NFKBID: variants seen among roughly 807,000 people sequenced by gnomAD.
The protein encoded by NFKBID is NF-kappa-B inhibitor delta.
In NFKBID, 26 loss-of-function variants were observed where a neutral mutation model predicts 53.4. The observed-to-expected ratio is 0.49, with a 90% CI of 0.36 to 0.68. The LOEUF (loss-of-function observed/expected upper bound fraction) is 0.68, where lower values mean the gene tolerates loss of function less well. NFKBID is among the 30% of genes least tolerant of loss of function. NFKBID has a pLI of 0.00. For missense variants in NFKBID, 493 were observed against 614.1 expected, an observed-to-expected ratio of 0.80 and a Z score of 2.08; for synonymous variants, 262 against 259.8, an observed-to-expected ratio of 1.01 and a Z score of -0.08.
At chr19:35,891,256 A>T (rs945346921) in intron 9 of NFKBID, among the ~76,000 whole-genome samples, 4 of 152,252 alleles carry the variant, frequency 2.6e-5, no homozygotes, top group Non-Finnish European at 5.9e-5. Flanking sequence ...GACATTTTCT[A>T]AAATGAAACC....
At chr19:35,898,856 G>C in intron 1 of NFKBID, 34 bp from the exon 2 acceptor site, 6 of 1,498,544 alleles carry the variant, frequency 4.0e-6, no homozygotes, top group Non-Finnish European at 5.4e-6. Flanking sequence ...AGTCATCAAG[G>C]GTCCTTAAGT....
chr19:35,888,264 G>A (rs1414886789), exon 12 of NFKBID: 5 of 372,990 alleles, frequency 1.3e-5, no homozygotes, highest in Middle Eastern at 8.1e-4. Context: ...GAGAGAACCC[G>A]AAAGATCTCA....
chr19:35,900,617 A>T (rs1056689507), exon 1 of NFKBID: 4 of 1,229,332 alleles, frequency 3.3e-6, no homozygotes, highest in Non-Finnish European at 3.0e-6. Flanking sequence ...GCCCGCCCAC[A>T]GGCCTGGGAG....
intron 10 of NFKBID, 131 bp from the exon 11 acceptor site, chr19:35,890,185 G>T: frequency 1.0e-6 from 1 of 991,414 alleles, no homozygotes; most frequent in Non-Finnish European, 1.5e-6. Context: ...CCCGGCCACA[G>T]CCACGCTGCA....
In NFKBID at chr19:35,896,524, C is replaced by T. The variant is rs1303900136; in HGVS notation, c.699G>A (p.Val233=). The T allele has an allele frequency of 6.2e-7, 1 of 1,614,088 alleles. No individual in the cohort carries two copies. Among genetic ancestry groups the T allele is most frequent in the Admixed American group, 1.7e-5 (1 of 60,022 alleles). ...TCAGGGGCTGGTTGGCAGCAGCCGC[C>T]ACCAGGAGAGGGGTCTGCAGGCCAC... is the stretch of plus-strand genomic sequence containing the variant. Residue 233 remains valine, a synonymous_variant, in exon 7 of 12, where the codon GTG becomes GTA. Transcript: ENST00000641389. This position sits in a 1 kb window ranked among gnomAD's most constrained non-coding sequence, Gnocchi z 5.7.
rs61288857 is a variant in NFKBID at position 35,896,844 on chromosome 19, G to T, written c.579-13C>A. The T allele has an allele frequency of 9.3e-6, 15 of 1,613,890 alleles. No homozygotes were observed. Among genetic ancestry groups the T allele is most frequent in the South Asian group, 6.6e-5 (6 of 91,076 alleles). Reference sequence around the variant, plus strand: ...CAGGTGAAGGAGCCTGAGGACAGGTGGGGGACAGCCGTGAGAACAGCCCCC... The same window carrying T: ...CAGGTGAAGGAGCCTGAGGACAGGTTGGGGACAGCCGTGAGAACAGCCCCC... On this transcript the variant is annotated splice_polypyrimidine_tract_variant and intron_variant, in intron 5 of 11. Transcript: ENST00000641389. The surrounding 1 kb of genome is among the most constrained non-coding windows in gnomAD (Gnocchi z 5.7).
intron 10 of NFKBID, 42 bp downstream of exon 10, chr19:35,890,332 C>T: frequency 7.2e-7 from 1 of 1,384,092 alleles, no homozygotes; most frequent in Non-Finnish European, 1.0e-6. Flanking sequence ...GCCCCCCCTA[C>T]CGTACCCCAC....
Position 35,896,684 on chromosome 19 carries a change from T to C in NFKBID, c.684+42A>G, listed in dbSNP as rs1485460461. 6.3e-7 allele frequency: 1 copy of C among 1,580,638 alleles called. No individual in the cohort carries two copies. Among genetic ancestry groups the C allele is most frequent in the Non-Finnish European group, 8.6e-7 (1 of 1,157,602 alleles). On this transcript the variant is annotated intron_variant, in intron 6 of 11. Coordinates refer to ENST00000641389, the Ensembl canonical transcript of NFKBID. This position sits in a 1 kb window ranked among gnomAD's most constrained non-coding sequence, Gnocchi z 5.7. The stretch of plus-strand genomic sequence containing the variant: ...TCCAGGGGTCCAGGCCCCAGGCTCC[T>C]TCCTCCCCTGAACCCAGGAGAGTTC...
At chr19:35,890,529 A>C (rs768868727) in intron 9 of NFKBID, 39 bp from the exon 10 acceptor site, 2 of 1,382,276 alleles carry the variant, frequency 1.4e-6, no homozygotes, top group Non-Finnish European at 2.1e-6. Context: ...GGCCAGCCTC[A>C]CACCTAGGTG....
chr19:35,889,074 G>T (rs1974569748), intron 11 of NFKBID, among the ~76,000 whole-genome samples: 1 of 150,388 alleles, frequency 6.6e-6, no homozygotes, highest in Non-Finnish European at 1.5e-5. Flanking sequence ...TGGGAAGGAG[G>T]CCGGGAGTGA....
chr19:35,895,490 A>G (rs183920889), intron 9 of NFKBID, among the ~76,000 whole-genome samples: 3,327 of 149,158 alleles, frequency 0.022, 58 homozygotes, highest in East Asian at 0.071. Context: ...CCTGTCTCAA[A>G]AACAAAAAAA....
In NFKBID at chr19:35,896,616, C is replaced by T; in HGVS notation, c.685-78G>A. Reference sequence around the variant, plus strand: ...AACCAGGCTCCCAGCCCCATCCCCCCTCAGCCCCAGGAGCTCACCCCCCAT... The same window carrying T: ...AACCAGGCTCCCAGCCCCATCCCCCTTCAGCCCCAGGAGCTCACCCCCCAT... On this transcript the variant is annotated intron_variant, in intron 6 of 11. Transcript: ENST00000641389. This position sits in a 1 kb window ranked among gnomAD's most constrained non-coding sequence, Gnocchi z 5.7. The T allele has an allele frequency of 3.2e-6, 5 of 1,557,110 alleles. No individual in the cohort carries two copies. Among genetic ancestry groups the T allele is most frequent in the East Asian group, 4.5e-5 (2 of 44,278 alleles).
At chr19:35,888,739 A>C in intron 11 of NFKBID, 127 bp from the exon 12 acceptor site, 1 of 707,836 alleles carries the variant, frequency 1.4e-6, no homozygotes, top group Non-Finnish European at 2.5e-6. Context: ...TGAAGATCAG[A>C]GGTCCAGAGT....
At chr19:35,895,928 G>A in intron 9 of NFKBID, 52 bp downstream of exon 9, 2 of 1,556,080 alleles carry the variant, frequency 1.3e-6, no homozygotes, top group South Asian at 2.4e-5. Context: ...ACATCCAAGT[G>A]GCCCCATTCC....
rs954002384 is a variant in NFKBID, at chr19:35,900,503, C to T, written c.-1G>A. The T allele has an allele frequency of 4.8e-4, 597 of 1,231,904 alleles. 2 individuals carry two copies. The highest frequency in any genetic ancestry group is 4.7e-4 in the Non-Finnish European group (465 of 987,756). The allele number at this position is 1,231,904 out of a possible 1,614,324, so 76.3% of individuals were successfully genotyped here. A position where few individuals can be genotyped will look rare whatever the true frequency, so the allele number is the denominator to read the frequency against. ...GGCCGCGGCCTCGGCGCTGCGCCAGCCTCGCTGTTTCCCCCGCGGAGCCGC... is the reference window on the plus strand; with the variant it reads ...GGCCGCGGCCTCGGCGCTGCGCCAGTCTCGCTGTTTCCCCCGCGGAGCCGC... On this transcript the variant is annotated 5_prime_UTR_variant, in exon 1 of 12. Coordinates refer to ENST00000641389, the Ensembl canonical transcript of NFKBID.
chr19:35,893,046 G>A (rs1172850512), intron 9 of NFKBID, among the ~76,000 whole-genome samples: 1 of 152,072 alleles, frequency 6.6e-6, no homozygotes, highest in African/African-American at 2.4e-5. Flanking sequence ...GCTCATGCCT[G>A]TAGTCCCAGC....
At position 35,896,556 on chromosome 19, in the gene NFKBID, A is replaced by G. The variant is rs776839994; in HGVS notation, c.685-18T>C. On this transcript the variant is annotated intron_variant, in intron 6 of 11. Transcript: ENST00000641389. This position sits in a 1 kb window ranked among gnomAD's most constrained non-coding sequence, Gnocchi z 5.7. ...AGAGGGGTCTGCAGGCCACAGGAGA[A>G]GTCAGGTTGGGCTCCTGGTTCCCTC... is the stretch of plus-strand genomic sequence containing the variant. 1.2e-6 allele frequency: 2 copies of G among 1,613,258 alleles called. No individual in the cohort carries two copies. The highest frequency in any genetic ancestry group is 2.2e-5 in the South Asian group (2 of 91,060).
At chr19:35,900,985 A>G (rs1459633683), upstream of NFKBID, among the ~76,000 whole-genome samples, 1 of 151,444 alleles carries the variant, frequency 6.6e-6, no homozygotes. Flanking sequence ...GGTGCTGGAC[A>G]CCATGCCTGG....
At chr19:35,892,118 AT>A (rs1974809837) in intron 9 of NFKBID, among the ~76,000 whole-genome samples, 1 of 151,786 alleles carries the variant, frequency 6.6e-6, no homozygotes, top group Non-Finnish European at 1.5e-5. Flanking sequence ...TGGCAAAATC[AT>A]GGCTCACTGC....
Sources: allele counts gnomAD v4.1 joint callset (sites outside exome capture counted in the v4.1 genomes callset), GRCh38; gene constraint gnomAD v4.1.1; non-coding constraint Gnocchi (gnomAD v3.1); transcripts MANE v1.5; gene names NCBI Gene and HGNC (gene_info 2026-07-23, HGNC 2026-07-21).